Variants in OR6C74 observed in about 807,000 individuals in gnomAD.
OR6C74 encodes the protein olfactory receptor 6C74.
For synonymous variants in OR6C74, 142 were observed against 134.2 expected, an observed-to-expected ratio of 1.06 and a Z score of -0.40; for missense variants, 361 against 362.9, an observed-to-expected ratio of 0.99 and a Z score of 0.04.
rs6581025 is a variant in OR6C74 at position 55,247,544 on chromosome 12, G to A, written c.257G>A (p.Gly86Asp). 464,350 of 1,612,382 alleles carry A rather than the reference G, an allele frequency of 0.29. 69,767 individuals are homozygous for A. Among genetic ancestry groups the A allele is most frequent in the Middle Eastern group, 0.38 (2,319 of 6,054 alleles). The change falls in exon 2 of 2, where the codon GGT becomes GAT. Residue 86 changes from glycine to aspartate, a missense_variant. By Grantham distance (94) the Gly-to-Asp change is moderately conservative. Coordinates refer to ENST00000343399, the MANE Select transcript of OR6C74 (RefSeq NM_001005490.2). The part of the protein sequence containing the change: ...IPKFLVSMAT[G>D]DKTISYNDCA... ...AAATTTCTTGTTAGTATGGCAACAG[G>A]TGATAAGACCATTTCTTACAACGAT...
chr12:55,250,215 A>G lies in OR6C74; in HGVS notation c.*1989A>G, dbSNP rs1464563211. On this transcript the variant is annotated 3_prime_UTR_variant, in exon 2 of 2. Transcript: ENST00000343399. ...CCAAATGCAAATATGTAACATATTT[A>G]TTTTATATTTCTAAGTATTACATTG... Among the ~76,000 whole-genome samples the G allele has an allele frequency of 6.6e-6, 1 of 152,150 alleles. No homozygotes were observed. Among genetic ancestry groups the G allele is most frequent in the Admixed American group, 6.6e-5 (1 of 15,266 alleles).
rs1165553072 is a variant in OR6C74 at position 55,255,450 on chromosome 12, C to A, written c.*7224C>A. Among the ~76,000 whole-genome samples the A allele has an allele frequency of 1.3e-5, 2 of 152,066 alleles. No homozygotes were observed. Among genetic ancestry groups the A allele is most frequent in the Non-Finnish European group, 2.9e-5 (2 of 68,008 alleles). ...CAGCAATCCCATTACTGGGTATATA[C>A]CCAAAGGATTATAAATCATTCTACT... is the stretch of plus-strand genomic sequence containing the variant. On this transcript the variant is annotated 3_prime_UTR_variant, in exon 2 of 2. Coordinates refer to ENST00000343399, the MANE Select transcript of OR6C74 (RefSeq NM_001005490.2).
Position 55,248,049 on chromosome 12 carries a change from C to G in OR6C74, c.762C>G (p.Ile254Met). The G allele has an allele frequency of 6.2e-7, 1 of 1,614,076 alleles. No homozygotes were observed. Among genetic ancestry groups the G allele is most frequent in the South Asian group, 1.1e-5 (1 of 91,076 alleles). ...VVVSISYGSC[I>M]FMYVKPSAKE... ...TGTCCATTTCTTATGGCAGCTGCAT[C>G]TTCATGTATGTGAAACCCTCAGCAA... The change falls in exon 2 of 2, where the codon ATC (isoleucine) becomes ATG (methionine). Residue 254 changes from isoleucine to methionine, a missense_variant. Physicochemically the swap from Ile to Met is conservative, Grantham distance 10. Coordinates refer to ENST00000343399, the MANE Select transcript of OR6C74 (RefSeq NM_001005490.2).
At position 55,247,264 on chromosome 12, in the gene OR6C74, T is replaced by C. The variant is rs1838028585; in HGVS notation, c.-9-15T>C. 9.1e-6 allele frequency: 13 copies of C among 1,428,066 alleles called. No individual in the cohort carries two copies. The highest frequency in any genetic ancestry group is 2.6e-5 in the South Asian group (2 of 75,548). 88.5% of individuals were successfully genotyped at this position (1,428,066 alleles called of 1,614,324 possible). ...CCTCTTCTGTTCTAATTTTTCTTCTTATTTTTAAAAATAGAAATCAACTAT... is the reference window on the plus strand; with the variant it reads ...CCTCTTCTGTTCTAATTTTTCTTCTCATTTTTAAAAATAGAAATCAACTAT... On this transcript the variant is annotated splice_polypyrimidine_tract_variant and intron_variant, in intron 1 of 1. Coordinates refer to ENST00000343399, the MANE Select transcript of OR6C74 (RefSeq NM_001005490.2).
At position 55,251,151 on chromosome 12, in the gene OR6C74, A is replaced by G. The variant is rs1055596041; in HGVS notation, c.*2925A>G. ...AGTACTTCTATGATGTAACCACACT[A>G]AACAACTAAGTATATTGCAAAACTT... is the stretch of plus-strand genomic sequence containing the variant. On this transcript the variant is annotated 3_prime_UTR_variant, in exon 2 of 2. Coordinates refer to ENST00000343399, the MANE Select transcript of OR6C74 (RefSeq NM_001005490.2). Among the ~76,000 whole-genome samples the G allele has an allele frequency of 6.6e-6, 1 of 152,096 alleles. No individual in the cohort carries two copies. Among genetic ancestry groups the G allele is most frequent in the Non-Finnish European group, 1.5e-5 (1 of 67,982 alleles).
At chr12:55,247,073 C>T in intron 1 of OR6C74, 1 of 449,576 alleles carries the variant, frequency 2.2e-6, no homozygotes, top group East Asian at 3.3e-5. Flanking sequence ...CATTTATGGC[C>T]ATTGAGAAAA....
Position 55,248,192 on chromosome 12 carries a change from C to T in OR6C74, c.905C>T (p.Thr302Ile), listed in dbSNP as rs1335357714. 6.2e-7 allele frequency: 1 copy of T among 1,610,966 alleles called. No homozygotes were observed. ...NKQVKDVFKH[T>I]VKKIELFSMK Reference sequence around the variant, plus strand: ...CAAGTAAAAGATGTTTTTAAGCACACAGTCAAAAAGATTGAACTTTTCTCA... The same window carrying T: ...CAAGTAAAAGATGTTTTTAAGCACATAGTCAAAAAGATTGAACTTTTCTCA... Residue 302 changes from threonine to isoleucine, a missense_variant, in exon 2 of 2, where the codon ACA becomes ATA. Thr to Ile is a moderately conservative substitution (Grantham distance 89). Transcript: ENST00000343399.
Position 55,247,816 on chromosome 12 carries a change from T to G in OR6C74, c.529T>G (p.Cys177Gly). The change falls in exon 2 of 2, where the codon TGT becomes GGT. Residue 177 changes from cysteine to glycine, a missense_variant. Physicochemically the swap from Cys to Gly is radical, Grantham distance 159 (BLOSUM62 -3). Transcript: ENST00000343399. The part of the protein sequence containing the change: ...CAANTVDHFF[C>G]DVSPILQLSC... ...AGCCAACACTGTAGATCATTTCTTCTGTGATGTTTCTCCTATACTGCAGCT... is the reference window on the plus strand; with the variant it reads ...AGCCAACACTGTAGATCATTTCTTCGGTGATGTTTCTCCTATACTGCAGCT... The G allele has an allele frequency of 6.2e-7, 1 of 1,614,092 alleles. No homozygotes were observed. Among genetic ancestry groups the G allele is most frequent in the South Asian group, 1.1e-5 (1 of 91,076 alleles).
chr12:55,253,339 T>G lies in OR6C74; in HGVS notation c.*5113T>G, dbSNP rs972046401. Among the ~76,000 whole-genome samples, 5 of 152,054 alleles carry G rather than the reference T, an allele frequency of 3.3e-5. No homozygotes were observed. Among genetic ancestry groups the G allele is most frequent in the Admixed American group, 6.6e-5 (1 of 15,234 alleles). On this transcript the variant is annotated 3_prime_UTR_variant, in exon 2 of 2. Transcript: ENST00000343399. ...GTGTTAGGAGAGGCAGACAGTTGAG[T>G]TCAATGGGTATGTGGATTAAGTCAC...
chr12:55,256,157 T>A lies in OR6C74; in HGVS notation c.*7931T>A, dbSNP rs1220612901. Among the ~76,000 whole-genome samples, 1 of 152,004 alleles carries A rather than the reference T, an allele frequency of 6.6e-6. No homozygotes were observed. The highest frequency in any genetic ancestry group is 1.5e-5 in the Non-Finnish European group (1 of 67,984). ...CCTGCAGAGAGCCTACGAACGGACA[T>A]GCAGTCAGGGAGGTTTCACATCACC... On this transcript the variant is annotated 3_prime_UTR_variant, in exon 2 of 2. Coordinates refer to ENST00000343399, the MANE Select transcript of OR6C74 (RefSeq NM_001005490.2).
chr12:55,247,957 C>G lies in OR6C74; in HGVS notation c.670C>G (p.Leu224Val). 6.2e-7 allele frequency: 1 copy of G among 1,613,994 alleles called. No individual in the cohort carries two copies. The highest frequency in any genetic ancestry group is 8.5e-7 in the Non-Finnish European group (1 of 1,179,926). ...LSYTNIIRTI[L>V]KIPSSQQRKK... ...CTACACAAATATTATCAGGACTATT[C>G]TGAAAATACCTTCTTCTCAACAGAG... The change falls in exon 2 of 2, where the codon CTG becomes GTG. Residue 224 changes from leucine to valine, a missense_variant. Leu to Val is a conservative substitution (Grantham distance 32). Coordinates refer to ENST00000343399, the MANE Select transcript of OR6C74 (RefSeq NM_001005490.2).
At chr12:55,245,618 T>G (rs1037003197) in intron 1 of OR6C74, among the ~76,000 whole-genome samples, 4 of 152,146 alleles carry the variant, frequency 2.6e-5, no homozygotes, top group Admixed American at 2.0e-4. Flanking sequence ...ATTGTGGTAT[T>G]CAGTAGAAAA....
intron 1 of OR6C74, among the ~76,000 whole-genome samples, chr12:55,246,983 ATAT>A (rs1467365093): frequency 6.6e-6 from 1 of 152,220 alleles, no homozygotes; most frequent in Non-Finnish European, 1.5e-5. Flanking sequence ...AAAAGTTGAA[ATAT>A]TATGATAGTT....
chr12:55,255,621 T>C lies in OR6C74; in HGVS notation c.*7395T>C, dbSNP rs911265990. 1.3e-5 allele frequency among the ~76,000 whole-genome samples: 2 copies of C among 152,094 alleles called. No individual in the cohort carries two copies. Among genetic ancestry groups the C allele is most frequent in the Admixed American group, 6.6e-5 (1 of 15,258 alleles). On this transcript the variant is annotated 3_prime_UTR_variant, in exon 2 of 2. Transcript: ENST00000343399. ...TGGAACACTATAAAATATACATCCA[T>C]AAAAAACGATGAGTTCATATCCTTT...
At chr12:55,245,444 A>T (rs1954264180) in intron 1 of OR6C74, among the ~76,000 whole-genome samples, 1 of 152,076 alleles carries the variant, frequency 6.6e-6, no homozygotes, top group Non-Finnish European at 1.5e-5. Flanking sequence ...ATATGTAGTC[A>T]TGTTGCATTC....
At chr12:55,246,518 TTAAA>T (rs781148340) in intron 1 of OR6C74, among the ~76,000 whole-genome samples, 20 of 152,192 alleles carry the variant, frequency 1.3e-4, no homozygotes, top group Non-Finnish European at 2.6e-4. Context: ...CATTTTATTT[TTAAA>T]TAGTTTGTTT....
Position 55,247,976 on chromosome 12 carries a change from A to C in OR6C74, c.689A>C (p.Gln230Pro). 1.2e-6 allele frequency: 2 copies of C among 1,613,798 alleles called. No homozygotes were observed. Among genetic ancestry groups the C allele is most frequent in the South Asian group, 1.1e-5 (1 of 91,072 alleles). ...IRTILKIPSS[Q>P]QRKKAFSTCS... Reference sequence around the variant, plus strand: ...ACTATTCTGAAAATACCTTCTTCTCAACAGAGAAAAAAAGCATTTTCTACA... The same window carrying C: ...ACTATTCTGAAAATACCTTCTTCTCCACAGAGAAAAAAAGCATTTTCTACA... The change falls in exon 2 of 2, where the codon CAA becomes CCA. Residue 230 changes from glutamine to proline, a missense_variant. Coordinates refer to ENST00000343399, the MANE Select transcript of OR6C74 (RefSeq NM_001005490.2).
rs146828397 is a variant in OR6C74, at chr12:55,255,493, CAT to C, written c.*7270_*7271del. On this transcript the variant is annotated 3_prime_UTR_variant, in exon 2 of 2. Coordinates refer to ENST00000343399, the MANE Select transcript of OR6C74 (RefSeq NM_001005490.2). The stretch of plus-strand genomic sequence containing the variant: ...ATTCTACTATAAAGACACATGCACA[CAT>C]ATGTTTATTGTGGCACTATTAGCAA... Among the ~76,000 whole-genome samples the C allele has an allele frequency of 0.051, 7,804 of 152,190 alleles. 293 individuals are homozygous for C. Among genetic ancestry groups the C allele is most frequent in the Middle Eastern group, 0.11 (32 of 294 alleles).
Position 55,250,434 on chromosome 12 carries a change from A to G in OR6C74, c.*2208A>G, listed in dbSNP as rs1954304821. 6.6e-6 allele frequency among the ~76,000 whole-genome samples: 1 copy of G among 152,118 alleles called. No homozygotes were observed. Among genetic ancestry groups the G allele is most frequent in the Non-Finnish European group, 1.5e-5 (1 of 68,000 alleles). ...TAGTAGACTTAACTACTTAGAATAG[A>G]TGGATTTTTTTCTATTTCTAGGTTG... On this transcript the variant is annotated 3_prime_UTR_variant, in exon 2 of 2. Coordinates refer to ENST00000343399, the MANE Select transcript of OR6C74 (RefSeq NM_001005490.2).
Sources: allele counts gnomAD v4.1 joint callset (sites outside exome capture counted in the v4.1 genomes callset), GRCh38; gene constraint gnomAD v4.1.1; transcripts MANE v1.5; gene names NCBI Gene and HGNC (gene_info 2026-07-23, HGNC 2026-07-21).